Variants in CCKAR observed in about 807,000 individuals in gnomAD.
CCKAR encodes the protein cholecystokinin A receptor, also known as cholecystokinin receptor type A.
In CCKAR, 21 loss-of-function variants were observed where a neutral mutation model predicts 29.8. The ratio of observed to expected loss-of-function variants is 0.70; its 90% confidence interval spans 0.50 to 1.01. The LOEUF (loss-of-function observed/expected upper bound fraction) is 1.01. Among genes scored for constraint, CCKAR ranks in the 50% least tolerant of loss-of-function variants. The pLI is 0.00. For synonymous variants in CCKAR, 238 were observed against 221.3 expected (o/e 1.08, Z -0.67); for missense variants, 570 against 560.6 (o/e 1.02, Z -0.17).
rs201645678 is a variant in CCKAR at position 26,489,387 on chromosome 4, C to A, written c.210G>T (p.Lys70Asn). 18 of 1,614,082 alleles carry A rather than the reference C, an allele frequency of 1.1e-5. No homozygotes were observed. Among genetic ancestry groups the A allele is most frequent in the Non-Finnish European group, 1.4e-5 (17 of 1,180,050 alleles). Reference sequence around the variant, plus strand: ...AGATGTTGGTGACCGTCCGCATCCGCTTGTTCCGAATCAGCACGGTGATGA... The same window carrying A: ...AGATGTTGGTGACCGTCCGCATCCGATTGTTCCGAATCAGCACGGTGATGA... ...TLVITVLIRN[K>N]RMRTVTNIFL... Residue 70 changes from lysine (K) to asparagine (N), a missense_variant, in exon 2 of 5, where the codon AAG becomes AAT. By Grantham distance (94) the Lys-to-Asn change is moderately conservative. Coordinates refer to ENST00000295589, the MANE Select transcript of CCKAR (RefSeq NM_000730.3).
Position 26,490,367 on chromosome 4 carries a change from C to G in CCKAR, c.-100G>C. The G allele has an allele frequency of 1.3e-6, 1 of 775,354 alleles. No homozygotes were observed. Among genetic ancestry groups the G allele is most frequent in the South Asian group, 1.5e-5 (1 of 66,896 alleles). 48.0% of individuals were successfully genotyped at this position (775,354 alleles called of 1,614,324 possible). A position where few individuals can be genotyped will look rare whatever the true frequency, so the allele number is the denominator to read the frequency against. ...GAAGCGTCTCGCAGATGCAACCTGCCGTGGAGGAGCAGGGAGGGAGTGATT... is the reference window on the plus strand; with the variant it reads ...GAAGCGTCTCGCAGATGCAACCTGCGGTGGAGGAGCAGGGAGGGAGTGATT... On this transcript the variant is annotated 5_prime_UTR_variant, in exon 1 of 5. Transcript: ENST00000295589.
Position 26,481,871 on chromosome 4 carries a change from T to TG in CCKAR, c.1053dup (p.Ile352HisfsTer110). 6.2e-7 allele frequency: 1 copy of TG among 1,613,988 alleles called. No homozygotes were observed. The highest frequency in any genetic ancestry group is 1.1e-5 in the South Asian group (1 of 91,060). On this transcript the variant is annotated frameshift_variant, in exon 5 of 5. Transcript: ENST00000295589. LOFTEE classifies it high-confidence loss of function. ...TAGGACAGGAGGAGGATGAAGGAAA[T>TG]GGGGGTTCCTGAGAGGCGGCGCTCT...
In CCKAR at chr4:26,489,244, G is replaced by C. The variant is rs202206580; in HGVS notation, c.353C>G (p.Thr118Ser). Reference protein sequence around the residue: ...IFGSAVCKTTTYFMGTSVSVS... With the variant: ...IFGSAVCKTTSYFMGTSVSVS... ...CAGCAGCAACTTACCCATGAAGTAGGTGGTGGTCTTGCAAACGGCGCTCCC... is the reference window on the plus strand; with the variant it reads ...CAGCAGCAACTTACCCATGAAGTAGCTGGTGGTCTTGCAAACGGCGCTCCC... The change falls in exon 2 of 5, where the codon ACC (threonine) becomes AGC (serine). Residue 118 changes from threonine (T) to serine (S), a missense_variant. Thr to Ser is a moderately conservative substitution (Grantham distance 58). Transcript: ENST00000295589. 6.2e-7 allele frequency: 1 copy of C among 1,614,132 alleles called. No homozygotes were observed. Among genetic ancestry groups the C allele is most frequent in the Non-Finnish European group, 8.5e-7 (1 of 1,180,004 alleles).
chr4:26,482,281 A>C (rs1043903835), intron 4 of CCKAR, 111 bp from the exon 5 acceptor site: 1 of 977,254 alleles, frequency 1.0e-6, no homozygotes, highest in Admixed American at 2.4e-5. Context: ...GGAACTGAGA[A>C]ATGGCAGACA....
Position 26,485,903 on chromosome 4 carries a change from G to A in CCKAR, c.365-5C>T. On this transcript the variant is annotated splice_region_variant and splice_polypyrimidine_tract_variant and intron_variant, in intron 2 of 4. Transcript: ENST00000295589. Reference sequence around the variant, plus strand: ...TAGATACACTCACAGAGGTGCCTGGGAAAGGAACAAAGAAGCCGGTTATGT... The same window carrying A: ...TAGATACACTCACAGAGGTGCCTGGAAAAGGAACAAAGAAGCCGGTTATGT... The A allele has an allele frequency of 6.2e-7, 1 of 1,610,726 alleles. No individual in the cohort carries two copies. Among genetic ancestry groups the A allele is most frequent in the Non-Finnish European group, 8.5e-7 (1 of 1,177,666 alleles).
rs1737352065 is a variant in CCKAR, at chr4:26,481,833, G to GCAGGAGGAGGTGTAGGA, written c.1075_1091dup (p.Val365ProfsTer15). 6.2e-7 allele frequency: 1 copy of GCAGGAGGAGGTGTAGGA among 1,613,626 alleles called. No individual in the cohort carries two copies. The highest frequency in any genetic ancestry group is 1.7e-5 in the Admixed American group (1 of 59,982). On this transcript the variant is annotated frameshift_variant, in exon 5 of 5. Coordinates refer to ENST00000295589, the MANE Select transcript of CCKAR (RefSeq NM_000730.3). LOFTEE classifies it high-confidence loss of function. The stretch of plus-strand genomic sequence containing the variant: ...TGAAGCAGTAGATGATGGGGTTGAC[G>GCAGGAGGAGGTGTAGGA]CAGGAGGAGGTGTAGGACAGGAGGA...
chr4:26,485,798 T>C lies in CCKAR; in HGVS notation c.465A>G (p.Lys155=). 1 of 1,614,102 alleles carries C rather than the reference T, an allele frequency of 6.2e-7. No homozygotes were observed. The highest frequency in any genetic ancestry group is 2.2e-5 in the East Asian group (1 of 44,878). ...KPLQSRVWQT[K]SHALKVIAAT... is the part of the protein sequence containing the mutation. ...CAGCAATCACCTTCAAAGCATGGGA[T>C]TTTGTCTGCCAGACCCGGGACTGTA... The change falls in exon 3 of 5, where the codon AAA becomes AAG. Residue 155 remains lysine (K), a synonymous_variant. Coordinates refer to ENST00000295589, the MANE Select transcript of CCKAR (RefSeq NM_000730.3).
Position 26,485,731 on chromosome 4 carries a change from T to A in CCKAR, c.532A>T (p.Ile178Phe), listed in dbSNP as rs2109879604. The A allele has an allele frequency of 6.2e-7, 1 of 1,614,122 alleles. No homozygotes were observed. Among genetic ancestry groups the A allele is most frequent in the Non-Finnish European group, 8.5e-7 (1 of 1,180,010 alleles). The change falls in exon 3 of 5, where the codon ATT (isoleucine) becomes TTT (phenylalanine). Residue 178 changes from isoleucine to phenylalanine, a missense_variant. Transcript: ENST00000295589. Reference sequence around the variant, plus strand: ...GTAAAAGGCACCAAGTTGCTATAAATGGGGTACGGAGTCATGATGGTAAAG... The same window carrying A: ...GTAAAAGGCACCAAGTTGCTATAAAAGGGGTACGGAGTCATGATGGTAAAG... ...LSFTIMTPYP[I>F]YSNLVPFTKN... is the part of the protein sequence containing the mutation.
chr4:26,483,087 T>C, intron 4 of CCKAR, 69 bp downstream of exon 4: 2 of 1,522,716 alleles, frequency 1.3e-6, no homozygotes, highest in Non-Finnish European at 1.8e-6. Flanking sequence ...TCTGGGTATA[T>C]CTATTTAAAT....
intron 3 of CCKAR, among the ~76,000 whole-genome samples, chr4:26,484,452 A>T (rs1286064708): frequency 6.6e-6 from 1 of 152,172 alleles, no homozygotes; most frequent in Non-Finnish European, 1.5e-5. Context: ...CAATTTGTGT[A>T]GCCTTTTTTA....
At chr4:26,488,779 CA>C (rs1737495848) in intron 2 of CCKAR, among the ~76,000 whole-genome samples, 1 of 151,988 alleles carries the variant, frequency 6.6e-6, no homozygotes, top group Admixed American at 6.6e-5. Flanking sequence ...CCTAAGAAAA[CA>C]AAAGAAACAA....
chr4:26,481,971 G>A lies in CCKAR; in HGVS notation c.954C>T (p.Ile318=), dbSNP rs566256420. The A allele has an allele frequency of 6.8e-6, 11 of 1,614,236 alleles. No homozygotes were observed. In the African/African-American group the frequency reaches 9.3e-5, roughly 14 times the overall value. The part of the protein sequence containing the change: ...KKRVIRMLIV[I]VVLFFLCWMP... ...TCCAGCACAGGAAGAAGAGGACCAC[G>A]ATGACGATGAGCATGCGGATCACCC... The change falls in exon 5 of 5, where the codon ATC becomes ATT. Residue 318 remains isoleucine (I), a synonymous_variant. Coordinates refer to ENST00000295589, the MANE Select transcript of CCKAR (RefSeq NM_000730.3).
intron 3 of CCKAR, among the ~76,000 whole-genome samples, chr4:26,484,360 A>T (rs1435272071): frequency 1.3e-5 from 2 of 152,198 alleles, no homozygotes; most frequent in Non-Finnish European, 2.9e-5. Flanking sequence ...AAAAGCAGAG[A>T]TGATCTCAGT....
At chr4:26,485,209 A>G (rs867072608) in intron 3 of CCKAR, among the ~76,000 whole-genome samples, 15 of 149,236 alleles carry the variant, frequency 1.0e-4, no homozygotes, top group African/African-American at 3.0e-4. Context: ...AAAAAAAAAA[A>G]GAAAGAAAAA....
chr4:26,482,137 T>C lies in CCKAR; in HGVS notation c.788A>G (p.Tyr263Cys), dbSNP rs754134308. The change falls in exon 5 of 5, where the codon TAT (tyrosine) becomes TGT (cysteine). Residue 263 changes from tyrosine to cysteine, a missense_variant. Coordinates refer to ENST00000295589, the MANE Select transcript of CCKAR (RefSeq NM_000730.3). ...RKPSTTSSGK[Y>C]EDSDGCYLQK... ...CAGGTAACACCCATCGCTGTCCTCA[T>C]ATTTGCCGCTGCTGGTGGTGCTAGG... The C allele has an allele frequency of 1.9e-6, 3 of 1,612,036 alleles. No homozygotes were observed. Among genetic ancestry groups the C allele is most frequent in the South Asian group, 2.2e-5 (2 of 91,004 alleles).
At chr4:26,489,563 T>A (rs1737518157) in intron 1 of CCKAR, 79 bp from the exon 2 acceptor site, 2 of 1,530,888 alleles carry the variant, frequency 1.3e-6, no homozygotes, top group Admixed American at 1.7e-5. Context: ...AAGGGTGAAT[T>A]CCTGCCGATT....
At chr4:26,484,572 G>A (rs915889) in intron 3 of CCKAR, among the ~76,000 whole-genome samples, 22,544 of 152,026 alleles carry the variant, frequency 0.15, 2,457 homozygotes, top group East Asian at 0.32. Context: ...GGAACCTGAC[G>A]TTCAGAGAGC....
rs1737352699 is a variant in CCKAR at position 26,481,857 on chromosome 4, G to A, written c.1068C>T (p.Leu356=). The A allele has an allele frequency of 1.2e-6, 2 of 1,614,094 alleles. No homozygotes were observed. The highest frequency in any genetic ancestry group is 1.7e-4 in the Middle Eastern group (1 of 6,060). ...RLSGTPISFI[L]LLSYTSSCVN... ...CGCAGGAGGAGGTGTAGGACAGGAGGAGGATGAAGGAAATGGGGGTTCCTG... is the reference window on the plus strand; with the variant it reads ...CGCAGGAGGAGGTGTAGGACAGGAGAAGGATGAAGGAAATGGGGGTTCCTG... Residue 356 remains leucine (L), a synonymous_variant, in exon 5 of 5, where the codon CTC becomes CTT. Transcript: ENST00000295589.
At chr4:26,488,298 T>C (rs1560369853) in intron 2 of CCKAR, among the ~76,000 whole-genome samples, 1 of 152,208 alleles carries the variant, frequency 6.6e-6, no homozygotes, top group African/African-American at 2.4e-5. Context: ...CTCACCATTG[T>C]GTGGCTACAA....
Sources: gnomAD v4.1 joint callset for allele counts (sites outside exome capture counted in the v4.1 genomes callset) on GRCh38, gnomAD v4.1.1 for gene constraint, MANE v1.5 for transcripts, NCBI Gene and HGNC (gene_info 2026-07-23, HGNC 2026-07-21) for gene names.